The following CFAP74 variants were observed in gnomAD, a reference collection of about 807,000 sequenced individuals.
CFAP74 encodes cilia- and flagella-associated protein 74.
Under a neutral mutation model 188.9 loss-of-function variants are expected in CFAP74, and 124 were observed. The observed-to-expected ratio is 0.66, with a 90% confidence interval of 0.57 to 0.76. The LOEUF (loss-of-function observed/expected upper bound fraction) is 0.76. CFAP74 is among the 30% of genes least tolerant of loss of function. The pLI, the probability that CFAP74 is intolerant of heterozygous loss-of-function variation, is 0.00. For synonymous variants in CFAP74, 956 were observed against 916.7 expected, an observed-to-expected ratio of 1.04 and a Z score of -0.77; for missense variants, 2,198 against 2,165.2, an observed-to-expected ratio of 1.02 and a Z score of -0.30.
rs80226811 is a variant in CFAP74 at position 1,968,599 on chromosome 1, G to A, written c.1245+36C>T. The stretch of plus-strand genomic sequence containing the variant: ...GAGGCCCCACCTGCCCTCCACAGGT[G>A]TGCGGCTTCTGTCTACAGGAAGGCG... On this transcript the variant is annotated intron_variant, in intron 11 of 38. Transcript: ENST00000682832. The surrounding 1 kb of genome is among the most constrained non-coding windows in gnomAD (Gnocchi z 4.3). The A allele has an allele frequency of 1.5e-4, 240 of 1,580,848 alleles. No homozygotes were observed. In the East Asian group the frequency reaches 5.3e-3, roughly 35 times the overall value.
At chr1:1,936,217 C>CAAA (rs112657762) in intron 25 of CFAP74, among the ~76,000 whole-genome samples, 36 of 100,102 alleles carry the variant, frequency 3.6e-4, no homozygotes, top group African/African-American at 1.2e-3. Context: ...TGCTCCGTCT[C>CAAA]AAAAAAAAAA....
chr1:1,945,996 G>C (rs907498368), intron 20 of CFAP74, among the ~76,000 whole-genome samples: 1 of 148,760 alleles, frequency 6.7e-6, no homozygotes, highest in African/African-American at 2.5e-5. Flanking sequence ...CTGCATGTGT[G>C]CATGTGTGCG....
At chr1:1,978,179 T>C (rs531076136) in intron 6 of CFAP74, among the ~76,000 whole-genome samples, 4 of 152,366 alleles carry the variant, frequency 2.6e-5, no homozygotes, top group African/African-American at 9.6e-5. Context: ...TGTGACCACA[T>C]ATAGAAGACA....
At chr1:1,997,576 A>G (rs946203637) in intron 1 of CFAP74, among the ~76,000 whole-genome samples, 1 of 152,244 alleles carries the variant, frequency 6.6e-6, no homozygotes, top group African/African-American at 2.4e-5. Flanking sequence ...TACAACTTCA[A>G]TAATGAAAAG....
Position 1,969,120 on chromosome 1 carries a change from C to T in CFAP74, c.1047-287G>A, listed in dbSNP as rs926263689. Reference sequence around the variant, plus strand: ...CCAAGCCAGAGGTTCCAGGCTTAAACCCCAGCCCTGCCCTGCCCAGTCCAT... The same window carrying T: ...CCAAGCCAGAGGTTCCAGGCTTAAATCCCAGCCCTGCCCTGCCCAGTCCAT... On this transcript the variant is annotated intron_variant, in intron 10 of 38. Transcript: ENST00000682832. 3.9e-5 allele frequency among the ~76,000 whole-genome samples: 6 copies of T among 152,088 alleles called. No individual in the cohort carries two copies. The South Asian group carries it at 1.2e-3, about 32-fold the overall frequency.
intron 14 of CFAP74, among the ~76,000 whole-genome samples, chr1:1,961,993 G>A (rs1442610406): frequency 6.6e-6 from 1 of 152,208 alleles, no homozygotes; most frequent in Non-Finnish European, 1.5e-5. Flanking sequence ...TGGAGCCTGG[G>A]CAGCAAGGGG....
intron 4 of CFAP74, 117 bp downstream of exon 4, chr1:1,988,395 A>G: frequency 1.5e-6 from 2 of 1,292,384 alleles, no homozygotes; most frequent in Non-Finnish European, 2.2e-6. Flanking sequence ...ACCCTGTGCG[A>G]CCCTCCCTTG....
At chr1:1,924,626 T>G (rs1204703006) in intron 33 of CFAP74, 106 bp from the exon 34 acceptor site, 2 of 1,322,436 alleles carry the variant, frequency 1.5e-6, no homozygotes, top group Non-Finnish European at 2.0e-6. Flanking sequence ...CACACCCAAG[T>G]GGGGACCCGG....
rs773183790 is a variant in CFAP74, at chr1:1,922,685, C to T, written c.4722G>A (p.Gln1574=). 1.0e-5 allele frequency: 16 copies of T among 1,600,926 alleles called. No homozygotes were observed. In the South Asian group the frequency reaches 1.1e-4, roughly 11 times the overall value. The change falls in exon 38 of 39, where the codon CAG becomes CAA. Residue 1574 remains glutamine, a synonymous_variant. Transcript: ENST00000682832. The stretch of plus-strand genomic sequence containing the variant: ...AGGGCTCAATAGAGAAACCCTTGTG[C>T]TGCAGGGATGCGACGCTGTCTATGC... ...EFSIDSVASL[Q]HKGFSIEPSR... is the part of the protein sequence containing the mutation.
Position 1,963,742 on chromosome 1 carries a change from C to T in CFAP74, c.1694+7G>A, listed in dbSNP as rs1326776965. 1.0e-5 allele frequency: 16 copies of T among 1,596,000 alleles called. No homozygotes were observed. Among genetic ancestry groups the T allele is most frequent in the Admixed American group, 1.7e-5 (1 of 59,714 alleles). Reference sequence around the variant, plus strand: ...CGCGTCCCTCCCTGTCTGAGCCGTCCTCTTACTCAACGTGGATGAAGTCCC... The same window carrying T: ...CGCGTCCCTCCCTGTCTGAGCCGTCTTCTTACTCAACGTGGATGAAGTCCC... On this transcript the variant is annotated splice_region_variant and intron_variant, in intron 14 of 38. Transcript: ENST00000682832.
At chr1:1,934,607 G>A (rs1306823075) in intron 25 of CFAP74, among the ~76,000 whole-genome samples, 2 of 151,178 alleles carry the variant, frequency 1.3e-5, no homozygotes, top group Non-Finnish European at 3.0e-5. Context: ...GTGTGTATGT[G>A]TGTGTGTTAG....
chr1:1,952,918 G>A (rs1166687108), intron 18 of CFAP74, among the ~76,000 whole-genome samples: 10 of 152,086 alleles, frequency 6.6e-5, no homozygotes, highest in Admixed American at 2.6e-4. Flanking sequence ...TTGGCCTCCC[G>A]AAGTGCTGGT....
chr1:2,002,208 G>GT (rs1019482506), intron 1 of CFAP74, among the ~76,000 whole-genome samples: 1 of 151,988 alleles, frequency 6.6e-6, no homozygotes, highest in African/African-American at 2.4e-5. Context: ...TTCACGAGAA[G>GT]TTTTTTTGTG....
At chr1:1,955,394 C>T (rs755010277) in intron 18 of CFAP74, 1 of 1,395,044 alleles carries the variant, frequency 7.2e-7, no homozygotes, top group South Asian at 1.2e-5. Flanking sequence ...CCAGGGGGCA[C>T]CGCAGAGCCT....
At chr1:1,970,114 C>T (rs1570941796) in intron 10 of CFAP74, among the ~76,000 whole-genome samples, 1 of 152,080 alleles carries the variant, frequency 6.6e-6, no homozygotes, top group Admixed American at 6.5e-5. Flanking sequence ...ACATGGGCCC[C>T]CGTTTGGAGA....
At chr1:1,955,380 C>G in intron 18 of CFAP74, 6 of 1,374,348 alleles carry the variant, frequency 4.4e-6, no homozygotes, top group Non-Finnish European at 5.8e-6. Context: ...GCAGCCCGGC[C>G]CCTCCAGGGG....
chr1:1,974,625 G>C (rs1379400214), intron 6 of CFAP74, among the ~76,000 whole-genome samples: 4 of 152,234 alleles, frequency 2.6e-5, no homozygotes, highest in Non-Finnish European at 4.4e-5. Flanking sequence ...TGTGCCTGGG[G>C]TGGGGGCTAT....
rs1651837707 is a variant in CFAP74 at position 1,925,783 on chromosome 1, C to T, written c.4104G>A (p.Lys1368=). 6.2e-7 allele frequency: 1 copy of T among 1,610,896 alleles called. No homozygotes were observed. Among genetic ancestry groups the T allele is most frequent in the Non-Finnish European group, 8.5e-7 (1 of 1,178,696 alleles). The change falls in exon 33 of 39, where the codon AAG becomes AAA. Residue 1368 remains lysine (K), a splice_region_variant and synonymous_variant. Coordinates refer to ENST00000682832, the MANE Select transcript of CFAP74 (RefSeq NM_001304360.2). ...GCACCAGGGCCCACGTGTGCTTCAC[C>T]TTGAAGCCTGAGGACACAGACTCTC... ...IAGESVSSGF[K]LQNNSLLPIK...
chr1:1,924,339 AGCTCACC>A, intron 34 of CFAP74, 45 bp downstream of exon 34: 2 of 209,090 alleles, frequency 9.6e-6, no homozygotes, highest in South Asian at 1.4e-4. Context: ...CTACTCCCCC[AGCTCACC>A]GCCCACCCCC....
Sources: allele counts gnomAD v4.1 joint callset (sites outside exome capture counted in the v4.1 genomes callset), GRCh38; gene constraint gnomAD v4.1.1; non-coding constraint Gnocchi (gnomAD v3.1); transcripts MANE v1.5; gene names NCBI Gene and HGNC (gene_info 2026-07-23, HGNC 2026-07-21).